OXCT1: variants seen among roughly 807,000 people sequenced by gnomAD.
OXCT1 encodes succinyl-CoA:3-ketoacid coenzyme A transferase 1, mitochondrial.
OXCT1 carries 27 observed loss-of-function variants against 69.6 expected under a neutral mutation model. That is an observed-to-expected ratio of 0.39 (90% confidence interval 0.29 to 0.54). The LOEUF (loss-of-function observed/expected upper bound fraction) is 0.54. OXCT1 is among the 20% of genes least tolerant of loss of function. OXCT1 has a pLI of 0.72. For synonymous variants in OXCT1, 202 were observed against 217.8 expected (o/e 0.93, Z 0.64); for missense variants, 437 against 650.2 (o/e 0.67, Z 3.57).
At chr5:41,813,864 TA>T (rs1048451803) in intron 7 of OXCT1, among the ~76,000 whole-genome samples, 12 of 152,246 alleles carry the variant, frequency 7.9e-5, no homozygotes, top group East Asian at 7.7e-4. Context: ...GTGCCTGACA[TA>T]AAACTGTCTG....
At chr5:41,763,178 T>C (rs531912186) in intron 13 of OXCT1, among the ~76,000 whole-genome samples, 1 of 152,138 alleles carries the variant, frequency 6.6e-6, no homozygotes, top group Admixed American at 6.6e-5. Context: ...ATTCCATGAT[T>C]TTGGAGACAT....
intron 15 of OXCT1, among the ~76,000 whole-genome samples, chr5:41,746,837 C>T (rs911724168): frequency 6.6e-6 from 1 of 152,076 alleles, no homozygotes; most frequent in Non-Finnish European, 1.5e-5. Flanking sequence ...AAAGGATACA[C>T]AGGTCAACTA....
chr5:41,792,460 C>T (rs2112223455), intron 13 of OXCT1, among the ~76,000 whole-genome samples: 1 of 152,282 alleles, frequency 6.6e-6, no homozygotes, highest in Admixed American at 6.5e-5. Context: ...AACATCACAC[C>T]TTGATTACTG....
In OXCT1 at chr5:41,739,420, G is replaced by A. The variant is rs144283422; in HGVS notation, c.1491C>T (p.Asp497=). The A allele has an allele frequency of 1.8e-3, 2,958 of 1,612,752 alleles. 2 individuals are homozygous for A. The highest frequency in any genetic ancestry group is 2.2e-3 in the Non-Finnish European group (2,615 of 1,178,750). The change falls in exon 16 of 17, where the codon GAC becomes GAT. Residue 497 remains aspartate (D), a synonymous_variant. Transcript: ENST00000196371. Reference sequence around the variant, plus strand: ...AATCACACCCAGTACTCTTCTGTACGTCATCCACTGTCAGGCCTTCCCAGA... The same window carrying A: ...AATCACACCCAGTACTCTTCTGTACATCATCCACTGTCAGGCCTTCCCAGA... The part of the protein sequence containing the change: ...IELWEGLTVD[D]VQKSTGCDFA...
intron 13 of OXCT1, among the ~76,000 whole-genome samples, chr5:41,767,722 G>GTGTATATATATATATATATATA (rs1554011237): frequency 5.6e-5 from 5 of 89,952 alleles, no homozygotes; most frequent in African/African-American, 1.6e-4. Context: ...ATATGTGTGT[G>GTGTATATATATATATATATATA]TATATATATA....
rs1742575054 is a variant in OXCT1 at position 41,730,663 on chromosome 5, C to A, written c.*1066G>T. Reference sequence around the variant, plus strand: ...TACCTCTAAGGAAGTTTTTTTCAAACCTAATCTACCCACCATGTTTATTCC... The same window carrying A: ...TACCTCTAAGGAAGTTTTTTTCAAAACTAATCTACCCACCATGTTTATTCC... On this transcript the variant is annotated 3_prime_UTR_variant, in exon 17 of 17. Transcript: ENST00000196371. 6.6e-6 allele frequency: 1 copy of A among 152,084 alleles called. No homozygotes were observed. The highest frequency in any genetic ancestry group is 2.4e-5 in the African/African-American group (1 of 41,412). The allele number at this position is 152,084 out of a possible 1,614,324, so 9.4% of individuals were successfully genotyped here.
At chr5:41,790,460 A>C (rs573752957) in intron 13 of OXCT1, among the ~76,000 whole-genome samples, 22 of 152,334 alleles carry the variant, frequency 1.4e-4, no homozygotes, top group Admixed American at 1.0e-3. Flanking sequence ...AGAATTGTTA[A>C]AAATCTGTGT....
chr5:41,744,727 C>T lies in OXCT1; in HGVS notation c.1419+4800G>A, dbSNP rs572046135. Among the ~76,000 whole-genome samples, 432 of 151,982 alleles carry T rather than the reference C, an allele frequency of 2.8e-3. 1 individual carries two copies. The highest frequency in any genetic ancestry group is 4.7e-3 in the Non-Finnish European group (321 of 67,956). On this transcript the variant is annotated intron_variant, in intron 15 of 16. Coordinates refer to ENST00000196371, the MANE Select transcript of OXCT1 (RefSeq NM_000436.4). ...TTCTGCATCTATTGAGATAATCATG[C>T]GGTTTTTGTCATTGGTTCTGACAAA...
chr5:41,753,615 C>T (rs1402026746), intron 14 of OXCT1, among the ~76,000 whole-genome samples: 1 of 152,064 alleles, frequency 6.6e-6, no homozygotes, highest in Non-Finnish European at 1.5e-5. Flanking sequence ...AGTCATGTTC[C>T]CATGGGTGTC....
chr5:41,752,078 C>T (rs928529287), intron 14 of OXCT1, among the ~76,000 whole-genome samples: 3 of 152,100 alleles, frequency 2.0e-5, no homozygotes, highest in African/African-American at 4.8e-5. Flanking sequence ...ATTAGTGACT[C>T]ACAAAGGAGG....
intron 4 of OXCT1, 81 bp from the exon 5 acceptor site, chr5:41,850,260 A>AC: frequency 6.7e-7 from 1 of 1,492,756 alleles, no homozygotes; most frequent in Non-Finnish European, 9.3e-7. Context: ...CGTGGTTCCT[A>AC]CTATCTAGAG....
intron 2 of OXCT1, 94 bp downstream of exon 2, chr5:41,862,548 T>A: frequency 1.4e-6 from 1 of 720,960 alleles, no homozygotes; most frequent in Non-Finnish European, 2.5e-6. Flanking sequence ...ATAAAATAAT[T>A]ATCATTTTTA....
At chr5:41,778,876 T>C (rs1434302114) in intron 13 of OXCT1, among the ~76,000 whole-genome samples, 2 of 152,268 alleles carry the variant, frequency 1.3e-5, no homozygotes, top group Non-Finnish European at 2.9e-5. Flanking sequence ...CTTTCTTTTT[T>C]GATCCAACGC....
At chr5:41,812,195 C>A in intron 7 of OXCT1, among the ~76,000 whole-genome samples, 1 of 151,816 alleles carries the variant, frequency 6.6e-6, no homozygotes, top group Non-Finnish European at 1.5e-5. Context: ...AAAAAAATGA[C>A]AACGTAAAAT....
chr5:41,852,629 G>A (rs930497665), intron 4 of OXCT1, among the ~76,000 whole-genome samples: 1 of 152,194 alleles, frequency 6.6e-6, no homozygotes, highest in Non-Finnish European at 1.5e-5. Context: ...ATTAATTATA[G>A]TAACTGCTTG....
intron 1 of OXCT1, among the ~76,000 whole-genome samples, chr5:41,863,341 A>T (rs1295059110): frequency 6.6e-6 from 1 of 152,142 alleles, no homozygotes; most frequent in Non-Finnish European, 1.5e-5. Flanking sequence ...ATCTCTAAGC[A>T]ATTTTCTAGT....
intron 14 of OXCT1, among the ~76,000 whole-genome samples, chr5:41,759,922 T>C (rs746219418): frequency 5.9e-5 from 9 of 152,140 alleles, no homozygotes; most frequent in Non-Finnish European, 1.0e-4. Flanking sequence ...TTTACTCCCA[T>C]GTCTTACAAA....
chr5:41,870,233 G>T lies in OXCT1; in HGVS notation c.78+48C>A. ...AAAACGCGGGCACCACTCAGGGTTT[G>T]GTCCACGTTCTTCCTGCCCATGGCC... On this transcript the variant is annotated intron_variant, in intron 1 of 16. Coordinates refer to ENST00000196371, the MANE Select transcript of OXCT1 (RefSeq NM_000436.4). The surrounding 1 kb of genome is among the most constrained non-coding windows in gnomAD (Gnocchi z 4.2). The T allele has an allele frequency of 2.1e-6, 3 of 1,440,002 alleles. No homozygotes were observed. The highest frequency in any genetic ancestry group is 1.1e-5 in the South Asian group (1 of 87,156). 89.2% of individuals were successfully genotyped at this position (1,440,002 alleles called of 1,614,324 possible).
At chr5:41,740,206 A>G (rs890294454) in intron 15 of OXCT1, among the ~76,000 whole-genome samples, 1 of 152,216 alleles carries the variant, frequency 6.6e-6, no homozygotes, top group African/African-American at 2.4e-5. Flanking sequence ...AAAGCACATG[A>G]ATGACAGGAA....
Sources: allele counts gnomAD v4.1 joint callset (sites outside exome capture counted in the v4.1 genomes callset), GRCh38; gene constraint gnomAD v4.1.1; non-coding constraint Gnocchi (gnomAD v3.1); transcripts MANE v1.5; gene names NCBI Gene and HGNC (gene_info 2026-07-23, HGNC 2026-07-21).